RBAK: variants seen among roughly 807,000 people sequenced by gnomAD.
The protein encoded by RBAK is RB associated KRAB zinc finger.
Under a neutral mutation model 65.8 loss-of-function variants are expected in RBAK, and 39 were observed. The ratio of observed to expected loss-of-function variants is 0.59; its 90% CI spans 0.46 to 0.77. The LOEUF is 0.77. RBAK is among the 30% of genes least tolerant of loss of function. The probability of loss-of-function intolerance (pLI) is 0.00; values close to 1 mark genes in which losing one functional copy is unlikely to be tolerated. For missense variants in RBAK, 884 were observed against 855.1 expected (o/e 1.03, Z -0.42); for synonymous variants, 343 against 289.7 (o/e 1.18, Z -1.87).
At chr7:5,054,459 TTC>T (rs1788181726) in intron 2 of RBAK, among the ~76,000 whole-genome samples, 2 of 152,004 alleles carry the variant, frequency 1.3e-5, no homozygotes, top group Admixed American at 1.3e-4. Context: ...TTATTTTTCT[TTC>T]TGTTTTTGAT....
intron 1 of RBAK, among the ~76,000 whole-genome samples, chr7:5,047,817 A>G (rs922851714): frequency 6.6e-5 from 10 of 151,446 alleles, no homozygotes; most frequent in African/African-American, 2.4e-4. Context: ...CATATTGGCC[A>G]AGGAAGGCGG....
intron 4 of RBAK, among the ~76,000 whole-genome samples, 170 bp from the exon 5 acceptor site, chr7:5,063,525 T>C (rs913367600): frequency 1.4e-5 from 2 of 144,460 alleles, no homozygotes; most frequent in Non-Finnish European, 3.0e-5. Flanking sequence ...TTCTGTTTTG[T>C]ATTCCAAACC....
intron 2 of RBAK, among the ~76,000 whole-genome samples, chr7:5,056,519 C>G (rs1394993875): frequency 6.6e-6 from 1 of 152,160 alleles, no homozygotes; most frequent in Non-Finnish European, 1.5e-5. Flanking sequence ...CACAATTCAT[C>G]TTTAAAGACT....
At chr7:5,052,659 T>C (rs1277790952) in intron 2 of RBAK, among the ~76,000 whole-genome samples, 1 of 152,236 alleles carries the variant, frequency 6.6e-6, no homozygotes, top group Admixed American at 6.5e-5. Context: ...TCTTGGTCTT[T>C]ACACCGTTGT....
Position 5,063,886 on chromosome 7 carries a change from T to A in RBAK, c.430T>A (p.Leu144Ile), listed in dbSNP as rs202243173. The change falls in exon 5 of 5, where the codon TTA becomes ATA. Residue 144 changes from leucine to isoleucine, a missense_variant. By Grantham distance (5) the Leu-to-Ile change is conservative. Coordinates refer to ENST00000396912, the MANE Select transcript of RBAK (RefSeq NM_021163.4). ...TAATTGTGTCTCATGTGGAAAGAAT[T>A]TAGAATCTATTTCGCAATTAATTAG... ...AHNCVSCGKN[L>I]ESISQLISSD... 2.5e-6 allele frequency: 4 copies of A among 1,614,042 alleles called. No homozygotes were observed. The highest frequency in any genetic ancestry group is 3.4e-6 in the Non-Finnish European group (4 of 1,179,982).
At position 5,065,575 on chromosome 7, in the gene RBAK, A is replaced by C. The variant is rs200136416; in HGVS notation, c.2119A>C (p.Asn707His). The C allele has an allele frequency of 2.3e-5, 36 of 1,538,210 alleles. No homozygotes were observed. Among genetic ancestry groups the C allele is most frequent in the Non-Finnish European group, 3.5e-6 (4 of 1,146,030 alleles). The stretch of plus-strand genomic sequence containing the variant: ...GAGAATTCATAGAAGAGGAAATATG[A>C]ACGTACTTGATGTGGAAAATCTCTG... Reference protein sequence around the residue: ...HQRIHRRGNMNVLDVENL With the variant: ...HQRIHRRGNMHVLDVENL Residue 707 changes from asparagine (N) to histidine (H), a missense_variant, in exon 5 of 5, where the codon AAC becomes CAC. Physicochemically the swap from Asn to His is moderately conservative, Grantham distance 68. Transcript: ENST00000396912. This position sits in a 1 kb window ranked among gnomAD's most constrained non-coding sequence, Gnocchi z 5.3.
intron 2 of RBAK, among the ~76,000 whole-genome samples, chr7:5,051,911 G>A (rs953375675): frequency 6.6e-6 from 1 of 152,188 alleles, no homozygotes; most frequent in African/African-American, 2.4e-5. Flanking sequence ...GATCAAGTTG[G>A]TTGGTTGTGT....
intron 4 of RBAK, among the ~76,000 whole-genome samples, chr7:5,061,350 G>A (rs879769877): frequency 1.3e-5 from 2 of 151,900 alleles, no homozygotes; most frequent in Non-Finnish European, 2.9e-5. Context: ...GTGCAAGCAG[G>A]GAAAGCAGAA....
intron 4 of RBAK, among the ~76,000 whole-genome samples, chr7:5,059,770 G>T (rs563369140): frequency 1.2e-3 from 180 of 152,240 alleles, no homozygotes; most frequent in African/African-American, 4.1e-3. Context: ...TATGCTCTAA[G>T]ATCATATTCT....
intron 2 of RBAK, among the ~76,000 whole-genome samples, chr7:5,054,537 A>T (rs1402153154): frequency 1.3e-5 from 2 of 151,668 alleles, no homozygotes; most frequent in Non-Finnish European, 2.9e-5. Flanking sequence ...AGTACCTGTT[A>T]GTTTATCACA....
rs1339617670 is a variant in RBAK, at chr7:5,066,571, A to T, written c.*970A>T. ...CAATATTTTGTAATTTAGAAATTTT[A>T]TTCACAAACTTCTGTTTGGTACAAA... On this transcript the variant is annotated 3_prime_UTR_variant, in exon 5 of 5. Transcript: ENST00000396912. 1 of 152,174 alleles carries T rather than the reference A, an allele frequency of 6.6e-6. No homozygotes were observed. Among genetic ancestry groups the T allele is most frequent in the African/African-American group, 2.4e-5 (1 of 41,454 alleles). The allele number at this position is 152,174 out of a possible 1,614,324, so 9.4% of individuals were successfully genotyped here.
Position 5,057,278 on chromosome 7 carries a change from T to G in RBAK, c.16-17T>G. 1 of 1,614,040 alleles carries G rather than the reference T, an allele frequency of 6.2e-7. No individual in the cohort carries two copies. The highest frequency in any genetic ancestry group is 8.5e-7 in the Non-Finnish European group (1 of 1,180,004). ...CCTTTTCCGTATCTCCCAATTCTGATCATGTTGCCATTACAGGGGCCAGTG... is the reference window on the plus strand; with the variant it reads ...CCTTTTCCGTATCTCCCAATTCTGAGCATGTTGCCATTACAGGGGCCAGTG... On this transcript the variant is annotated splice_polypyrimidine_tract_variant and intron_variant, in intron 2 of 4. Coordinates refer to ENST00000396912, the MANE Select transcript of RBAK (RefSeq NM_021163.4).
At chr7:5,049,694 T>C (rs2115025738) in intron 2 of RBAK, among the ~76,000 whole-genome samples, 1 of 152,238 alleles carries the variant, frequency 6.6e-6, no homozygotes, top group Middle Eastern at 3.4e-3. Context: ...CTTTAAATGA[T>C]GAAGTCTGTT....
At position 5,064,130 on chromosome 7, in the gene RBAK, G is replaced by A. The variant is rs754898476; in HGVS notation, c.674G>A (p.Arg225Lys). 1.9e-6 allele frequency: 3 copies of A among 1,613,948 alleles called. No individual in the cohort carries two copies. Among genetic ancestry groups the A allele is most frequent in the Admixed American group, 3.3e-5 (2 of 60,004 alleles). ...GAGGCTGTTTTTATTGCTCATAAGA[G>A]AGCTTACATAGGGGAGAAGCCCTAT... ...DNEAVFIAHK[R>K]AYIGEKPYEW... is the part of the protein sequence containing the mutation. Residue 225 changes from arginine to lysine, a missense_variant, in exon 5 of 5, where the codon AGA becomes AAA. By Grantham distance (26) the Arg-to-Lys change is conservative (BLOSUM62 2). Transcript: ENST00000396912. The surrounding 1 kb of genome is among the most constrained non-coding windows in gnomAD (Gnocchi z 6.3).
At position 5,063,126 on chromosome 7, in the gene RBAK, A is replaced by C. The variant is rs1030178383; in HGVS notation, c.239-569A>C. Among the ~76,000 whole-genome samples the C allele has an allele frequency of 4.2e-4, 64 of 152,344 alleles. 1 individual carries two copies. Among genetic ancestry groups the C allele is most frequent in the Middle Eastern group, 3.4e-3 (1 of 294 alleles). On this transcript the variant is annotated intron_variant, in intron 4 of 4. Coordinates refer to ENST00000396912, the MANE Select transcript of RBAK (RefSeq NM_021163.4). ...AGTGATAAGTGTCCGTGAAATCTTCACAATTTATGTTCAGAGATTGCAGTA... is the reference window on the plus strand; with the variant it reads ...AGTGATAAGTGTCCGTGAAATCTTCCCAATTTATGTTCAGAGATTGCAGTA...
In RBAK at chr7:5,069,345, A is replaced by G. The variant is rs1779300152; in HGVS notation, c.*3744A>G. On this transcript the variant is annotated 3_prime_UTR_variant, in exon 5 of 5. Coordinates refer to ENST00000396912, the MANE Select transcript of RBAK (RefSeq NM_021163.4). Reference sequence around the variant, plus strand: ...TCCTACGCTGTCCTTAAAGCTTAGCATAATGTATATTTTAAGTGAAATATT... The same window carrying G: ...TCCTACGCTGTCCTTAAAGCTTAGCGTAATGTATATTTTAAGTGAAATATT... The G allele has an allele frequency of 6.6e-6, 1 of 152,220 alleles. No homozygotes were observed. Among genetic ancestry groups the G allele is most frequent in the Non-Finnish European group, 1.5e-5 (1 of 68,046 alleles). The allele number at this position is 152,220 out of a possible 1,614,324, so 9.4% of individuals were successfully genotyped here.
intron 1 of RBAK, among the ~76,000 whole-genome samples, chr7:5,047,658 C>T (rs1290367490): frequency 7.6e-6 from 1 of 131,248 alleles, no homozygotes; most frequent in Non-Finnish European, 1.5e-5. Flanking sequence ...GTCTGGAGTG[C>T]AGCAGTGTGG....
At position 5,048,779 on chromosome 7, in the gene RBAK, GA is replaced by G. The variant is rs200700660; in HGVS notation, c.15+689del. Among the ~76,000 whole-genome samples the G allele has an allele frequency of 0.056, 8,571 of 152,262 alleles. 295 individuals carry two copies. The highest frequency in any genetic ancestry group is 0.13 in the East Asian group (648 of 5,174). On this transcript the variant is annotated intron_variant, in intron 2 of 4. Coordinates refer to ENST00000396912, the MANE Select transcript of RBAK (RefSeq NM_021163.4). The surrounding 1 kb of genome is among the most constrained non-coding windows in gnomAD (Gnocchi z 4.4). ...CTCTATCATAGGAAGCATGGCTGGG[GA>G]GGCTTCAGGAAACTTACAGTCATGG...
intron 2 of RBAK, among the ~76,000 whole-genome samples, chr7:5,049,549 G>C (rs1474283502): frequency 1.3e-5 from 2 of 152,072 alleles, no homozygotes; most frequent in African/African-American, 4.8e-5. Context: ...AAATCCAGAG[G>C]GGATTTCCTA....
Sources: gnomAD v4.1 joint callset for allele counts (sites outside exome capture counted in the v4.1 genomes callset) on GRCh38, gnomAD v4.1.1 for gene constraint, Gnocchi (gnomAD v3.1) non-coding constraint, MANE v1.5 for transcripts, NCBI Gene and HGNC (gene_info 2026-07-23, HGNC 2026-07-21) for gene names.